CAMTA1: variants seen among roughly 807,000 people sequenced by gnomAD.
CAMTA1 encodes calmodulin-binding transcription activator 1.
In CAMTA1, 27 loss-of-function variants were observed where a neutral mutation model predicts 170.9. The observed-to-expected ratio is 0.16, with a 90% confidence interval of 0.12 to 0.22. The LOEUF (loss-of-function observed/expected upper bound fraction) is 0.22, where lower values mean the gene tolerates loss of function less well. Among genes scored for constraint, CAMTA1 ranks in the 10% least tolerant of loss-of-function variants. The probability of loss-of-function intolerance (pLI) is 1.00; values close to 1 mark genes in which losing one functional copy is unlikely to be tolerated. For synonymous variants in CAMTA1, 833 were observed against 891.5 expected (o/e 0.93, Z 1.17); for missense variants, 1,619 against 2,217.2 (o/e 0.73, Z 5.42).
At chr1:7,082,245 C>T (rs1640112240) in intron 3 of CAMTA1, among the ~76,000 whole-genome samples, 1 of 152,214 alleles carries the variant, frequency 6.6e-6, no homozygotes, top group Non-Finnish European at 1.5e-5. Context: ...TGAGGCCAGC[C>T]TGACAAACAT....
chr1:7,288,012 G>A (rs1672589856), intron 5 of CAMTA1, among the ~76,000 whole-genome samples: 1 of 152,194 alleles, frequency 6.6e-6, no homozygotes, highest in African/African-American at 2.4e-5. Context: ...AGTTAGTTTG[G>A]TGACTAGTTA....
At chr1:7,445,819 G>A (rs1027983776) in intron 5 of CAMTA1, among the ~76,000 whole-genome samples, 1 of 152,212 alleles carries the variant, frequency 6.6e-6, no homozygotes, top group Admixed American at 6.5e-5. Flanking sequence ...GCCAGGGGTA[G>A]CATCACTGAG....
Position 7,745,871 on chromosome 1 carries a change from C to G in CAMTA1, c.4397C>G (p.Pro1466Arg). 2 of 1,614,206 alleles carry G rather than the reference C, an allele frequency of 1.2e-6. No homozygotes were observed. The highest frequency in any genetic ancestry group is 1.7e-6 in the Non-Finnish European group (2 of 1,180,034). Residue 1466 changes from proline to arginine, a missense_variant, in exon 18 of 23, where the codon CCT (proline) becomes CGT (arginine). Pro to Arg is a moderately radical substitution (Grantham distance 103). Around this residue, in one of 8 missense-constraint regions of CAMTA1, gnomAD observed 370 missense variants for 429.4 expected, o/e 0.86. Transcript: ENST00000303635. ...IRSAYNEPLT[P>R]SSNTSLSPVG... ...AGTGCATATAACGAGCCTCTAACCC[C>G]TTCTTCTAATACCAGCTTGAGCCCT...
chr1:7,113,074 C>T lies in CAMTA1; in HGVS notation c.302+21703C>T, dbSNP rs1273769340. Reference sequence around the variant, plus strand: ...TTGCATGTGGGGCTCTCAGTTTACCCTCAGAAAGTGTGGCATCAGCACGAG... The same window carrying T: ...TTGCATGTGGGGCTCTCAGTTTACCTTCAGAAAGTGTGGCATCAGCACGAG... On this transcript the variant is annotated intron_variant, in intron 4 of 22. Transcript: ENST00000303635. The surrounding 1 kb of genome is among the most constrained non-coding windows in gnomAD (Gnocchi z 4.5). Among the ~76,000 whole-genome samples, 1 of 152,210 alleles carries T rather than the reference C, an allele frequency of 6.6e-6. No individual in the cohort carries two copies. The highest frequency in any genetic ancestry group is 2.4e-5 in the African/African-American group (1 of 41,446).
In CAMTA1 at chr1:7,456,849, G is replaced by T. The variant is rs571828073; in HGVS notation, c.439-10981G>T. 6.6e-6 allele frequency among the ~76,000 whole-genome samples: 1 copy of T among 152,324 alleles called. No individual in the cohort carries two copies. Among genetic ancestry groups the T allele is most frequent in the Non-Finnish European group, 1.5e-5 (1 of 68,012 alleles). ...GTGGGAAAACAGGCAGGTGAGAGTGGCCAGGTTCCTGGACGTGACCCTAAG... is the reference window on the plus strand; with the variant it reads ...GTGGGAAAACAGGCAGGTGAGAGTGTCCAGGTTCCTGGACGTGACCCTAAG... On this transcript the variant is annotated intron_variant, in intron 5 of 22. Coordinates refer to ENST00000303635, the MANE Select transcript of CAMTA1 (RefSeq NM_015215.4). This position sits in a 1 kb window ranked among gnomAD's most constrained non-coding sequence, Gnocchi z 4.9.
rs144615267 is a variant in CAMTA1, at chr1:7,206,055, C to G, written c.303-43436C>G. 1.2e-3 allele frequency among the ~76,000 whole-genome samples: 185 copies of G among 152,308 alleles called. 1 individual carries two copies. The highest frequency in any genetic ancestry group is 4.3e-3 in the African/African-American group (179 of 41,560). On this transcript the variant is annotated intron_variant, in intron 4 of 22. Coordinates refer to ENST00000303635, the MANE Select transcript of CAMTA1 (RefSeq NM_015215.4). ...GCATATCTGGACTTCTTCTACTCCA[C>G]TTCTCTGTCAACTCATACACCAGTA...
At chr1:6,786,954 C>T (rs1639580768) in intron 1 of CAMTA1, among the ~76,000 whole-genome samples, 1 of 152,192 alleles carries the variant, frequency 6.6e-6, no homozygotes, top group South Asian at 2.1e-4. Context: ...TCAGTTGACA[C>T]TACCTCACTG....
In CAMTA1 at chr1:7,173,508, A is replaced by G. The variant is rs1473366506; in HGVS notation, c.303-75983A>G. On this transcript the variant is annotated intron_variant, in intron 4 of 22. Coordinates refer to ENST00000303635, the MANE Select transcript of CAMTA1 (RefSeq NM_015215.4). The surrounding 1 kb of genome is among the most constrained non-coding windows in gnomAD (Gnocchi z 5.4). The stretch of plus-strand genomic sequence containing the variant: ...GTTCAAGCGATTCTCCTACCTCAGC[A>G]TCTCAAGTAGCTGGGATTACAGGCA... Among the ~76,000 whole-genome samples the G allele has an allele frequency of 6.6e-6, 1 of 151,752 alleles. No homozygotes were observed. Among genetic ancestry groups the G allele is most frequent in the Non-Finnish European group, 1.5e-5 (1 of 67,936 alleles).
At chr1:7,755,388 G>C (rs1171119058) in intron 21 of CAMTA1, among the ~76,000 whole-genome samples, 1 of 150,050 alleles carries the variant, frequency 6.7e-6, no homozygotes, top group East Asian at 1.9e-4. Flanking sequence ...AAAAAGGTAG[G>C]TAGATAGTAG....
chr1:7,513,210 T>C (rs2094227690), intron 6 of CAMTA1, among the ~76,000 whole-genome samples: 1 of 151,958 alleles, frequency 6.6e-6, no homozygotes, highest in Admixed American at 6.6e-5. Context: ...TCTGGGCAGA[T>C]TCAGAGGTCA....
chr1:7,529,763 C>T (rs2094470405), intron 6 of CAMTA1, among the ~76,000 whole-genome samples: 2 of 152,186 alleles, frequency 1.3e-5, no homozygotes, highest in Admixed American at 1.3e-4. Context: ...CAGTCACTCC[C>T]TTATAAAGAT....
At chr1:7,411,388 G>C (rs2090730981) in intron 5 of CAMTA1, among the ~76,000 whole-genome samples, 1 of 152,080 alleles carries the variant, frequency 6.6e-6, no homozygotes. Context: ...AAACACAAAA[G>C]ATTAGCCGGG....
At chr1:7,670,882 A>T in intron 9 of CAMTA1, 29 bp from the exon 10 acceptor site, 1 of 1,611,848 alleles carries the variant, frequency 6.2e-7, no homozygotes, top group Non-Finnish European at 8.5e-7. Context: ...CTCACACTCC[A>T]ACTCTGTTCC....
chr1:7,398,175 CTCTCTCTCTCTCTCTCTCTATATATA>C (rs1557651060), intron 5 of CAMTA1, among the ~76,000 whole-genome samples: 2 of 40,564 alleles, frequency 4.9e-5, no homozygotes, highest in African/African-American at 2.0e-4. Context: ...CTCTCTCTCT[CTCTCTCTCTCTCTCTCTCTATATATA>C]TATATATATA....
In CAMTA1 at chr1:7,564,891, GA is replaced by G. The variant is rs1277382006; in HGVS notation, c.511-75502del. Reference sequence around the variant, plus strand: ...GACAATGAACAAAAACAGTGGGGTGGAAAAAAATAGTCAAGGAGAAGGAGGG... The same window carrying G: ...GACAATGAACAAAAACAGTGGGGTGGAAAAAATAGTCAAGGAGAAGGAGGG... On this transcript the variant is annotated intron_variant, in intron 6 of 22. Transcript: ENST00000303635. 5.3e-5 allele frequency among the ~76,000 whole-genome samples: 8 copies of G among 151,784 alleles called. No homozygotes were observed. In the East Asian group the frequency reaches 5.8e-4, roughly 11 times the overall value.
At chr1:6,939,708 T>C (rs1017359201) in intron 3 of CAMTA1, among the ~76,000 whole-genome samples, 1 of 152,242 alleles carries the variant, frequency 6.6e-6, no homozygotes, top group Non-Finnish European at 1.5e-5. Flanking sequence ...TTCTTGCTGC[T>C]CAGATCTCAC....
chr1:7,602,202 A>G (rs528764458), intron 6 of CAMTA1, among the ~76,000 whole-genome samples: 15 of 111,710 alleles, frequency 1.3e-4, no homozygotes, highest in African/African-American at 4.6e-4. Context: ...CTCTTTTTCT[A>G]TTGATTGGAG....
chr1:7,079,229 A>T (rs1639698074), intron 3 of CAMTA1, among the ~76,000 whole-genome samples: 1 of 152,232 alleles, frequency 6.6e-6, no homozygotes, highest in Non-Finnish European at 1.5e-5. Context: ...ACCTTTACAG[A>T]GATTAAAAAT....
intron 5 of CAMTA1, among the ~76,000 whole-genome samples, chr1:7,339,107 T>C (rs2149797733): frequency 6.6e-6 from 1 of 152,244 alleles, no homozygotes; most frequent in South Asian, 2.1e-4. Context: ...CTTCCAACAT[T>C]GGGGATTACA....
Sources: allele counts gnomAD v4.1 joint callset (sites outside exome capture counted in the v4.1 genomes callset), GRCh38; gene constraint gnomAD v4.1.1; regional missense constraint gnomAD v4.1.1; non-coding constraint Gnocchi (gnomAD v3.1); transcripts MANE v1.5; gene names NCBI Gene and HGNC (gene_info 2026-07-23, HGNC 2026-07-21).